The following CNTNAP5 variants were observed in gnomAD, a reference collection of about 807,000 sequenced individuals.
The protein encoded by CNTNAP5 is contactin-associated protein-like 5.
Under a neutral mutation model 150.2 loss-of-function variants are expected in CNTNAP5, and 72 were observed. The ratio of observed to expected loss-of-function variants is 0.48; its 90% confidence interval spans 0.40 to 0.58. CNTNAP5 has a LOEUF of 0.58. Ranked by LOEUF, CNTNAP5 falls within the 20% of genes least tolerant of loss-of-function variation. The probability of loss-of-function intolerance (pLI) is 0.00; values close to 1 mark genes in which losing one functional copy is unlikely to be tolerated. For synonymous variants in CNTNAP5, 672 were observed against 619.8 expected (o/e 1.08, Z -1.25); for missense variants, 1,636 against 1,626.2 (o/e 1.01, Z -0.10).
intron 13 of CNTNAP5, among the ~76,000 whole-genome samples, chr2:124,724,175 A>G (rs116172998): frequency 5.1e-4 from 77 of 149,652 alleles, no homozygotes; most frequent in Middle Eastern, 3.5e-3. Flanking sequence ...TAATAATAAT[A>G]ATGATGATAC....
rs1004768994 is a variant in CNTNAP5, at chr2:124,674,272, G to A, written c.2077+26314G>A. Among the ~76,000 whole-genome samples the A allele has an allele frequency of 3.3e-5, 5 of 151,912 alleles. No individual in the cohort carries two copies. The South Asian group carries it at 6.2e-4, about 19-fold the overall frequency. ...TCTCCTTGATTTTGGCTTAGTTTGCGCTTCTTACTCTAAGTTTTTAAGGCT... is the reference window on the plus strand; with the variant it reads ...TCTCCTTGATTTTGGCTTAGTTTGCACTTCTTACTCTAAGTTTTTAAGGCT... On this transcript the variant is annotated intron_variant, in intron 13 of 23. Coordinates refer to ENST00000682447, the MANE Select transcript of CNTNAP5 (RefSeq NM_001367498.1).
At chr2:124,197,928 C>T (rs1479706144) in intron 1 of CNTNAP5, among the ~76,000 whole-genome samples, 1 of 151,776 alleles carries the variant, frequency 6.6e-6, no homozygotes, top group Non-Finnish European at 1.5e-5. Context: ...TTGCAGTGAG[C>T]TGAGATCGCG....
At chr2:124,629,106 T>C (rs370292927) in intron 12 of CNTNAP5, among the ~76,000 whole-genome samples, 1 of 152,172 alleles carries the variant, frequency 6.6e-6, no homozygotes, top group Non-Finnish European at 1.5e-5. Context: ...CACACAATGA[T>C]AGTGGGAGAC....
At chr2:124,565,678 C>A (rs1294123410) in intron 11 of CNTNAP5, among the ~76,000 whole-genome samples, 1 of 147,262 alleles carries the variant, frequency 6.8e-6, no homozygotes, top group Admixed American at 6.9e-5. Flanking sequence ...CGGCTCACTG[C>A]AACCTCCGCC....
At chr2:124,098,339 G>A (rs1409367227) in intron 1 of CNTNAP5, among the ~76,000 whole-genome samples, 1 of 152,114 alleles carries the variant, frequency 6.6e-6, no homozygotes, top group African/African-American at 2.4e-5. Context: ...GAAGAGGGGG[G>A]AATTGGTCTT....
intron 10 of CNTNAP5, among the ~76,000 whole-genome samples, chr2:124,548,987 G>A (rs1205909790): frequency 2.0e-5 from 3 of 152,188 alleles, no homozygotes; most frequent in African/African-American, 4.8e-5. Context: ...GGCACAAGGG[G>A]ATGGTCTCAG....
intron 11 of CNTNAP5, among the ~76,000 whole-genome samples, chr2:124,604,395 G>A (rs1416508959): frequency 6.6e-6 from 1 of 152,068 alleles, no homozygotes; most frequent in Non-Finnish European, 1.5e-5. Flanking sequence ...CATCCTACTA[G>A]TCAAACTACT....
At chr2:124,092,510 A>G (rs1261434347) in intron 1 of CNTNAP5, among the ~76,000 whole-genome samples, 2 of 152,168 alleles carry the variant, frequency 1.3e-5, no homozygotes, top group African/African-American at 4.8e-5. Flanking sequence ...AATCCTTTCA[A>G]TGTATAGATG....
At chr2:124,728,904 A>G (rs1299520429) in intron 13 of CNTNAP5, among the ~76,000 whole-genome samples, 3 of 151,988 alleles carry the variant, frequency 2.0e-5, no homozygotes, top group African/African-American at 7.2e-5. Flanking sequence ...ACTATTTTCT[A>G]TTATCTGATG....
chr2:124,129,562 G>C (rs960847716), intron 1 of CNTNAP5, among the ~76,000 whole-genome samples: 1 of 152,186 alleles, frequency 6.6e-6, no homozygotes, highest in Non-Finnish European at 1.5e-5. Flanking sequence ...GAAGAGGGGT[G>C]AGTGTAGGAC....
At chr2:124,724,885 T>A (rs1680123792) in intron 13 of CNTNAP5, among the ~76,000 whole-genome samples, 1 of 150,782 alleles carries the variant, frequency 6.6e-6, no homozygotes, top group South Asian at 2.1e-4. Flanking sequence ...ATCCCTCAGC[T>A]TCAATCCCTC....
At chr2:124,035,084 C>T (rs1023710775) in intron 1 of CNTNAP5, among the ~76,000 whole-genome samples, 1 of 135,424 alleles carries the variant, frequency 7.4e-6, no homozygotes, top group African/African-American at 2.7e-5. Flanking sequence ...TATCTGTACA[C>T]TTCTGAAATA....
intron 1 of CNTNAP5, among the ~76,000 whole-genome samples, chr2:124,155,288 T>C (rs898069308): frequency 1.2e-4 from 18 of 152,144 alleles, no homozygotes; most frequent in African/African-American, 4.3e-4. Flanking sequence ...TTTTATGCTC[T>C]AAACGTTTTC....
At chr2:124,786,629 A>T (rs1437203722) in intron 17 of CNTNAP5, among the ~76,000 whole-genome samples, 1 of 151,892 alleles carries the variant, frequency 6.6e-6, no homozygotes, top group Non-Finnish European at 1.5e-5. Flanking sequence ...AAGAGAAAGA[A>T]GAGAGAGAGA....
chr2:124,713,627 TG>T (rs1184306126), intron 13 of CNTNAP5, among the ~76,000 whole-genome samples: 1 of 151,882 alleles, frequency 6.6e-6, no homozygotes, highest in East Asian at 1.9e-4. Context: ...CCACCCGCAT[TG>T]GTTTCCTAAA....
At chr2:124,543,146 G>A (rs1695428657) in intron 10 of CNTNAP5, among the ~76,000 whole-genome samples, 1 of 152,174 alleles carries the variant, frequency 6.6e-6, no homozygotes, top group African/African-American at 2.4e-5. Context: ...GTGGTGTTAA[G>A]TGCTCCTTCT....
intron 2 of CNTNAP5, among the ~76,000 whole-genome samples, chr2:124,235,865 G>T (rs1007380711): frequency 9.2e-5 from 14 of 152,108 alleles, no homozygotes; most frequent in African/African-American, 2.9e-4. Context: ...CTCAATCAGG[G>T]TCATTCCAGA....
intron 19 of CNTNAP5, among the ~76,000 whole-genome samples, chr2:124,838,677 C>G (rs933197435): frequency 6.6e-6 from 1 of 152,120 alleles, no homozygotes; most frequent in Non-Finnish European, 1.5e-5. Flanking sequence ...CATTTCCGCT[C>G]TTCACTTCTC....
chr2:124,211,117 C>A (rs1215646382), intron 1 of CNTNAP5, among the ~76,000 whole-genome samples: 1 of 152,122 alleles, frequency 6.6e-6, no homozygotes, highest in Non-Finnish European at 1.5e-5. Flanking sequence ...AATGCATAAA[C>A]AACACAGCTC....
Sources: allele counts gnomAD v4.1 joint callset (sites outside exome capture counted in the v4.1 genomes callset), GRCh38; gene constraint gnomAD v4.1.1; transcripts MANE v1.5; gene names NCBI Gene and HGNC (gene_info 2026-07-23, HGNC 2026-07-21).